Variants in SPOCK1 observed in about 807,000 individuals in gnomAD.
The protein encoded by SPOCK1 is SPARC (osteonectin), cwcv and kazal like domains proteoglycan 1.
In SPOCK1, 23 loss-of-function variants were observed where a neutral mutation model predicts 55.3. The ratio of observed to expected loss-of-function variants is 0.42; its 90% CI spans 0.30 to 0.59. SPOCK1 has a LOEUF of 0.59. Among genes scored for constraint, SPOCK1 ranks in the 20% least tolerant of loss-of-function variants. SPOCK1 has a pLI of 0.22. For missense variants in SPOCK1, 499 were observed against 552.5 expected, an observed-to-expected ratio of 0.90 and a Z score of 0.97; for synonymous variants, 226 against 221.0, an observed-to-expected ratio of 1.02 and a Z score of -0.20.
intron 5 of SPOCK1, among the ~76,000 whole-genome samples, chr5:137,079,268 G>T (rs1203402769): frequency 6.6e-6 from 1 of 152,136 alleles, no homozygotes; most frequent in African/African-American, 2.4e-5. Flanking sequence ...GCCTGGAAAA[G>T]AATCTAAAAA....
chr5:137,176,864 T>G (rs1046452549), intron 3 of SPOCK1, among the ~76,000 whole-genome samples: 8 of 152,288 alleles, frequency 5.3e-5, no homozygotes, highest in Admixed American at 4.6e-4. Context: ...TCTTATAATA[T>G]TCTCCTAATT....
At chr5:136,982,665 T>C (rs1040609066) in intron 9 of SPOCK1, among the ~76,000 whole-genome samples, 2 of 152,178 alleles carry the variant, frequency 1.3e-5, no homozygotes, top group Non-Finnish European at 2.9e-5. Flanking sequence ...TTTTTCTCAC[T>C]TCCCCCAATT....
chr5:137,064,393 G>C (rs1304055325), intron 6 of SPOCK1, among the ~76,000 whole-genome samples: 3 of 152,168 alleles, frequency 2.0e-5, no homozygotes, highest in Non-Finnish European at 4.4e-5. Flanking sequence ...GTGTGTGCGT[G>C]TGTGTATTGC....
chr5:137,181,500 T>C (rs1376171691), intron 3 of SPOCK1, among the ~76,000 whole-genome samples: 1 of 152,160 alleles, frequency 6.6e-6, no homozygotes, highest in African/African-American at 2.4e-5. Context: ...AAATGAAAAC[T>C]CTAGGCTGAA....
At chr5:137,159,658 A>G (rs1173971459) in intron 3 of SPOCK1, among the ~76,000 whole-genome samples, 1 of 152,224 alleles carries the variant, frequency 6.6e-6, no homozygotes, top group Non-Finnish European at 1.5e-5. Flanking sequence ...CATTGCTGCA[A>G]AAGGCACAAT....
intron 6 of SPOCK1, among the ~76,000 whole-genome samples, chr5:137,014,768 T>G: frequency 6.6e-6 from 1 of 152,220 alleles, no homozygotes; most frequent in East Asian, 1.9e-4. Context: ...AACAAATTCC[T>G]GAGAGGGTCA....
At chr5:137,462,721 G>GCT in intron 2 of SPOCK1, among the ~76,000 whole-genome samples, 1 of 152,200 alleles carries the variant, frequency 6.6e-6, no homozygotes. Flanking sequence ...GTCACTAATT[G>GCT]CTCTTATTTC....
intron 5 of SPOCK1, among the ~76,000 whole-genome samples, chr5:137,108,411 A>G (rs1402413411): frequency 6.6e-6 from 1 of 152,234 alleles, no homozygotes; most frequent in Non-Finnish European, 1.5e-5. Context: ...AGATGTTCAC[A>G]TAAGACAGAA....
intron 2 of SPOCK1, among the ~76,000 whole-genome samples, chr5:137,382,424 A>G (rs997993090): frequency 6.6e-6 from 1 of 152,218 alleles, no homozygotes; most frequent in African/African-American, 2.4e-5. Context: ...CTCTCCTGGT[A>G]CCAATTTTAT....
chr5:137,449,377 A>T (rs983369743), intron 2 of SPOCK1, among the ~76,000 whole-genome samples: 2 of 152,232 alleles, frequency 1.3e-5, no homozygotes, highest in African/African-American at 4.8e-5. Context: ...TAAAATAACC[A>T]GTTAGTTTCC....
At chr5:137,209,760 G>T (rs1380670471) in intron 3 of SPOCK1, among the ~76,000 whole-genome samples, 1 of 152,166 alleles carries the variant, frequency 6.6e-6, no homozygotes, top group Non-Finnish European at 1.5e-5. Context: ...GATTCATACA[G>T]TCAATTAGCA....
intron 2 of SPOCK1, among the ~76,000 whole-genome samples, chr5:137,418,943 T>G (rs909214253): frequency 2.3e-4 from 35 of 152,210 alleles, no homozygotes; most frequent in African/African-American, 8.2e-4. Context: ...GGTCTGACAT[T>G]TAAGTCTTTA....
intron 5 of SPOCK1, among the ~76,000 whole-genome samples, chr5:137,076,930 A>AT (rs202041423): frequency 0.031 from 4,551 of 149,194 alleles, 249 homozygotes; most frequent in African/African-American, 0.11. Context: ...CAGATTTAAA[A>AT]TTTTTTTTTT....
chr5:137,380,060 A>G (rs1229742), intron 2 of SPOCK1, among the ~76,000 whole-genome samples: 45,308 of 152,064 alleles, frequency 0.3, 7,082 homozygotes, highest in Admixed American at 0.41. Flanking sequence ...TTCATACAGC[A>G]ACTCCCTAAG....
At chr5:137,409,953 G>A (rs1752176187) in intron 2 of SPOCK1, among the ~76,000 whole-genome samples, 1 of 152,206 alleles carries the variant, frequency 6.6e-6, no homozygotes, top group Non-Finnish European at 1.5e-5. Flanking sequence ...CCAGGGCTGA[G>A]TACTGTGGTG....
At chr5:137,140,725 T>C in intron 3 of SPOCK1, 31 bp from the exon 4 acceptor site, 1 of 1,355,182 alleles carries the variant, frequency 7.4e-7, no homozygotes, top group Non-Finnish European at 1.0e-6. Context: ...AGGGCAGGGT[T>C]TAGGACCTCC....
intron 5 of SPOCK1, among the ~76,000 whole-genome samples, chr5:137,093,348 T>C (rs1753081795): frequency 6.6e-6 from 1 of 152,128 alleles, no homozygotes; most frequent in South Asian, 2.1e-4. Context: ...CTAAAATAAA[T>C]CCAATGGTCC....
At chr5:137,037,258 A>G (rs1751902743) in intron 6 of SPOCK1, among the ~76,000 whole-genome samples, 1 of 151,322 alleles carries the variant, frequency 6.6e-6, no homozygotes, top group Non-Finnish European at 1.5e-5. Context: ...CTAGACAGAG[A>G]TCTTACTAGA....
intron 3 of SPOCK1, among the ~76,000 whole-genome samples, chr5:137,252,214 C>T (rs542019921): frequency 7.2e-5 from 11 of 152,364 alleles, no homozygotes; most frequent in African/African-American, 2.6e-4. Context: ...GCATGAGCCA[C>T]TGTGCCCAGC....
Sources: gnomAD v4.1 joint callset for allele counts (sites outside exome capture counted in the v4.1 genomes callset) on GRCh38, gnomAD v4.1.1 for gene constraint, MANE v1.5 for transcripts, NCBI Gene and HGNC (gene_info 2026-07-23, HGNC 2026-07-21) for gene names.